Variants in GPC5 observed in about 807,000 individuals in gnomAD.
GPC5 encodes the protein glypican-5.
A neutral mutation model predicts 53.9 loss-of-function variants in GPC5; 47 were observed. The observed-to-expected ratio is 0.87, with a 90% CI of 0.69 to 1.11. The LOEUF (loss-of-function observed/expected upper bound fraction) is 1.11. Among genes scored for constraint, GPC5 ranks in the 50% most tolerant of loss-of-function variants. The pLI, the probability that GPC5 is intolerant of heterozygous loss-of-function variation, is 0.00. For missense variants in GPC5, 748 were observed against 713.1 expected, an observed-to-expected ratio of 1.05 and a Z score of -0.56; for synonymous variants, 286 against 263.3, an observed-to-expected ratio of 1.09 and a Z score of -0.84.
intron 5 of GPC5, among the ~76,000 whole-genome samples, chr13:91,841,207 T>C (rs1356308194): frequency 6.6e-6 from 1 of 151,760 alleles, no homozygotes; most frequent in Non-Finnish European, 1.5e-5. Flanking sequence ...ACTACATTTC[T>C]TATCGGAAAT....
intron 6 of GPC5, among the ~76,000 whole-genome samples, chr13:92,040,916 C>G (rs2040936760): frequency 6.6e-6 from 1 of 152,134 alleles, no homozygotes; most frequent in Non-Finnish European, 1.5e-5. Context: ...AATGGCAGGA[C>G]CTCAGCTCAC....
chr13:91,876,034 C>A (rs2039198098), intron 5 of GPC5, among the ~76,000 whole-genome samples: 1 of 152,180 alleles, frequency 6.6e-6, no homozygotes, highest in Non-Finnish European at 1.5e-5. Context: ...CTCAGGAGAT[C>A]TGATGGGTTT....
intron 2 of GPC5, among the ~76,000 whole-genome samples, chr13:91,559,007 T>C (rs769923089): frequency 1.2e-4 from 19 of 152,092 alleles, no homozygotes; most frequent in Non-Finnish European, 2.6e-4. Flanking sequence ...ACTGGTCAAA[T>C]TACTATGAGG....
chr13:91,890,396 G>A (rs56283950), intron 5 of GPC5, among the ~76,000 whole-genome samples: 2,203 of 152,098 alleles, frequency 0.014, 48 homozygotes, highest in African/African-American at 0.051. Context: ...AAGTGTCACC[G>A]CTCAGTCATC....
intron 7 of GPC5, among the ~76,000 whole-genome samples, chr13:92,180,507 T>C (rs1288545710): frequency 1.3e-5 from 2 of 152,124 alleles, no homozygotes; most frequent in Non-Finnish European, 2.9e-5. Context: ...GGTGATTTTT[T>C]TTATTAGTAC....
chr13:91,429,083 C>G (rs1879253469), intron 1 of GPC5, among the ~76,000 whole-genome samples: 1 of 152,072 alleles, frequency 6.6e-6, no homozygotes, highest in South Asian at 2.1e-4. Context: ...CTGAACCTGG[C>G]TAATTTTTAT....
At chr13:92,255,267 G>T (rs1340418827) in intron 7 of GPC5, among the ~76,000 whole-genome samples, 1 of 152,096 alleles carries the variant, frequency 6.6e-6, no homozygotes, top group Non-Finnish European at 1.5e-5. Context: ...AACACTGAAA[G>T]CAGACCACAA....
At chr13:92,371,377 T>C (rs1403127592) in intron 7 of GPC5, among the ~76,000 whole-genome samples, 1 of 152,178 alleles carries the variant, frequency 6.6e-6, no homozygotes, top group East Asian at 1.9e-4. Flanking sequence ...TATCTTAGAA[T>C]GATTATCCTG....
At chr13:92,516,395 T>C (rs962347705) in intron 7 of GPC5, among the ~76,000 whole-genome samples, 3 of 152,178 alleles carry the variant, frequency 2.0e-5, no homozygotes, top group African/African-American at 7.2e-5. Flanking sequence ...AATACAAGTT[T>C]GTAGACCCAC....
intron 2 of GPC5, among the ~76,000 whole-genome samples, chr13:91,569,382 A>T (rs1350629274): frequency 6.6e-6 from 1 of 152,114 alleles, no homozygotes; most frequent in African/African-American, 2.4e-5. Flanking sequence ...TATAAAATAT[A>T]TATGTTTCTC....
At chr13:92,309,162 G>T (rs921724637) in intron 7 of GPC5, among the ~76,000 whole-genome samples, 5 of 152,060 alleles carry the variant, frequency 3.3e-5, no homozygotes, top group African/African-American at 1.2e-4. Context: ...ATTTTCTTTA[G>T]ACAATAGGAA....
intron 7 of GPC5, among the ~76,000 whole-genome samples, chr13:92,610,283 A>G (rs2139093954): frequency 1.3e-5 from 2 of 152,294 alleles, no homozygotes; most frequent in East Asian, 3.9e-4. Flanking sequence ...AGTAGAGTTA[A>G]TCTAGAGAGT....
At chr13:91,450,220 G>A (rs967116378) in intron 2 of GPC5, among the ~76,000 whole-genome samples, 1 of 152,084 alleles carries the variant, frequency 6.6e-6, no homozygotes, top group Admixed American at 6.6e-5. Flanking sequence ...TATTTCTATT[G>A]TAGGATTTAT....
chr13:91,476,200 C>T (rs1486531003), intron 2 of GPC5, among the ~76,000 whole-genome samples: 2 of 152,130 alleles, frequency 1.3e-5, no homozygotes, highest in Admixed American at 6.6e-5. Context: ...GCCCCTTCCC[C>T]GTTCCCAGCC....
intron 2 of GPC5, among the ~76,000 whole-genome samples, chr13:91,576,761 A>C (rs1038287444): frequency 6.6e-6 from 1 of 152,196 alleles, no homozygotes; most frequent in African/African-American, 2.4e-5. Flanking sequence ...AGAATATCAC[A>C]AAAGCAGGGA....
intron 6 of GPC5, among the ~76,000 whole-genome samples, chr13:92,009,078 G>C (rs2040636702): frequency 6.6e-6 from 1 of 151,860 alleles, no homozygotes; most frequent in Non-Finnish European, 1.5e-5. Flanking sequence ...TTAAATACTT[G>C]AACAAATTTA....
chr13:92,763,591 C>G (rs181062582), intron 7 of GPC5, among the ~76,000 whole-genome samples: 209 of 152,294 alleles, frequency 1.4e-3, no homozygotes, highest in African/African-American at 4.8e-3. Context: ...AGCACAGGTA[C>G]TCAGAGCTGC....
At chr13:92,312,815 T>C (rs1234087600) in intron 7 of GPC5, among the ~76,000 whole-genome samples, 2 of 152,178 alleles carry the variant, frequency 1.3e-5, no homozygotes, top group African/African-American at 2.4e-5. Flanking sequence ...TTTTTGAAAT[T>C]TTTTTCCAGT....
At chr13:91,817,985 G>A (rs1278420525) in intron 5 of GPC5, among the ~76,000 whole-genome samples, 7 of 151,486 alleles carry the variant, frequency 4.6e-5, no homozygotes, top group South Asian at 4.2e-4. Context: ...TTTTATTGTC[G>A]TATATGTTTT....
Sources: gnomAD v4.1 joint callset for allele counts (sites outside exome capture counted in the v4.1 genomes callset) on GRCh38, gnomAD v4.1.1 for gene constraint, MANE v1.5 for transcripts, NCBI Gene and HGNC (gene_info 2026-07-23, HGNC 2026-07-21) for gene names.